IQCM: variants seen among roughly 807,000 people sequenced by gnomAD.
The protein encoded by IQCM is IQ domain-containing protein M.
Under a neutral mutation model 57.6 loss-of-function variants are expected in IQCM, and 45 were observed. The observed-to-expected ratio is 0.78, with a 90% CI of 0.62 to 1.00. The LOEUF is 1.00. Ranked by LOEUF, IQCM falls within the 50% of genes least tolerant of loss-of-function variation. The probability of loss-of-function intolerance (pLI) is 0.00; values close to 1 mark genes in which losing one functional copy is unlikely to be tolerated. For synonymous variants in IQCM, 148 were observed against 158.9 expected (o/e 0.93, Z 0.51); for missense variants, 468 against 511.6 (o/e 0.91, Z 0.82).
At chr4:149,352,837 A>G (rs1728671419) in intron 13 of IQCM, among the ~76,000 whole-genome samples, 1 of 152,172 alleles carries the variant, frequency 6.6e-6, no homozygotes, top group East Asian at 1.9e-4. Context: ...AATAAATAAA[A>G]GGTATAGATT....
intron 8 of IQCM, among the ~76,000 whole-genome samples, chr4:149,591,559 G>A (rs1019778512): frequency 2.0e-4 from 30 of 151,460 alleles, no homozygotes; most frequent in Admixed American, 9.9e-4. Flanking sequence ...CCATTAACTC[G>A]TCATTTAGCA....
At chr4:149,759,346 T>C (rs1264226306) in intron 2 of IQCM, among the ~76,000 whole-genome samples, 1 of 152,184 alleles carries the variant, frequency 6.6e-6, no homozygotes, top group African/African-American at 2.4e-5. Context: ...TCATTATACA[T>C]TTGTCCAAAC....
At chr4:149,615,658 G>A (rs1342318534) in intron 8 of IQCM, among the ~76,000 whole-genome samples, 2 of 152,172 alleles carry the variant, frequency 1.3e-5, no homozygotes, top group Non-Finnish European at 2.9e-5. Flanking sequence ...AAAAAGGATA[G>A]TGTTCTTCTA....
Position 149,729,746 on chromosome 4 carries a change from AC to A in IQCM, c.385+3497del, listed in dbSNP as rs1766290954. 2.0e-5 allele frequency among the ~76,000 whole-genome samples: 3 copies of A among 151,800 alleles called. No homozygotes were observed. In the South Asian group the frequency reaches 6.3e-4, roughly 32 times the overall value. ...TCTCCTTTGCATCTTTGTTTCCTTT[AC>A]CCCTTGGATTAGTCTCTCAATAATG... On this transcript the variant is annotated intron_variant, in intron 5 of 13. Transcript: ENST00000636793.
intron 2 of IQCM, among the ~76,000 whole-genome samples, chr4:149,748,478 A>G (rs149483379): frequency 3.0e-4 from 45 of 152,266 alleles, no homozygotes; most frequent in African/African-American, 9.9e-4. Flanking sequence ...CTCTCCCATT[A>G]TACTTTAAAA....
intron 2 of IQCM, among the ~76,000 whole-genome samples, chr4:149,781,209 T>A (rs1465569304): frequency 2.6e-5 from 4 of 152,202 alleles, no homozygotes; most frequent in Non-Finnish European, 5.9e-5. Context: ...ATACAGTAAT[T>A]GTCCTTATCC....
chr4:149,485,510 A>T (rs1741380989), intron 12 of IQCM, among the ~76,000 whole-genome samples: 1 of 151,730 alleles, frequency 6.6e-6, no homozygotes, highest in Non-Finnish European at 1.5e-5. Context: ...ACTCTGATTC[A>T]TTCTTCTGCA....
At chr4:149,604,779 T>C (rs193265306) in intron 8 of IQCM, among the ~76,000 whole-genome samples, 2 of 152,336 alleles carry the variant, frequency 1.3e-5, no homozygotes, top group African/African-American at 4.8e-5. Context: ...GCTGCCTTTT[T>C]ACAGTTTGTT....
chr4:149,567,613 C>T (rs1750756476), intron 9 of IQCM, among the ~76,000 whole-genome samples: 1 of 151,990 alleles, frequency 6.6e-6, no homozygotes, highest in South Asian at 2.1e-4. Context: ...TCTCAAAGTG[C>T]TGGGATTATA....
intron 12 of IQCM, among the ~76,000 whole-genome samples, chr4:149,523,772 C>T (rs1281796095): frequency 6.6e-6 from 1 of 151,842 alleles, no homozygotes; most frequent in African/African-American, 2.4e-5. Context: ...GAATTATACA[C>T]AAAGTAAGTT....
At chr4:149,401,746 T>G (rs1732633235) in intron 13 of IQCM, among the ~76,000 whole-genome samples, 1 of 151,872 alleles carries the variant, frequency 6.6e-6, no homozygotes, top group South Asian at 2.1e-4. Flanking sequence ...GTATAATAAT[T>G]TTAGAGTAAT....
At chr4:149,607,319 A>G (rs1205851727) in intron 8 of IQCM, among the ~76,000 whole-genome samples, 1 of 152,092 alleles carries the variant, frequency 6.6e-6, no homozygotes, top group African/African-American at 2.4e-5. Context: ...AAATACAAAT[A>G]AAGACTTTCC....
At chr4:149,756,922 G>T (rs1769019921) in intron 2 of IQCM, among the ~76,000 whole-genome samples, 1 of 152,206 alleles carries the variant, frequency 6.6e-6, no homozygotes, top group Admixed American at 6.5e-5. Context: ...CAAACTACCA[G>T]ATAAACCACA....
At chr4:149,670,940 C>CTTTTTTTTTTTT (rs57287015) in intron 7 of IQCM, among the ~76,000 whole-genome samples, 3 of 143,374 alleles carry the variant, frequency 2.1e-5, no homozygotes, top group Admixed American at 6.9e-5. Flanking sequence ...AAAATTCTCT[C>CTTTTTTTTTTTT]TTTTTTTTTT....
chr4:149,752,386 T>C (rs1768534714), intron 2 of IQCM, among the ~76,000 whole-genome samples: 1 of 151,932 alleles, frequency 6.6e-6, no homozygotes, highest in Admixed American at 6.6e-5. Context: ...ACCCCATCTC[T>C]ACTAAAAATA....
chr4:149,800,466 T>C (rs1320936881), intron 2 of IQCM, among the ~76,000 whole-genome samples: 2 of 151,950 alleles, frequency 1.3e-5, no homozygotes, highest in Admixed American at 6.6e-5. Context: ...ACCACTGTTA[T>C]TCAGCTTAGT....
chr4:149,793,508 T>C (rs1426782984), intron 2 of IQCM, among the ~76,000 whole-genome samples: 1 of 152,194 alleles, frequency 6.6e-6, no homozygotes, highest in Non-Finnish European at 1.5e-5. Flanking sequence ...TTAAGCACAA[T>C]TCATTTTAAG....
chr4:149,618,783 A>C (rs963526072), intron 8 of IQCM, among the ~76,000 whole-genome samples: 2 of 152,146 alleles, frequency 1.3e-5, no homozygotes, highest in African/African-American at 4.8e-5. Context: ...AACCACAATG[A>C]AACACCATCT....
intron 7 of IQCM, among the ~76,000 whole-genome samples, chr4:149,674,737 T>C (rs1466127554): frequency 1.3e-5 from 2 of 152,108 alleles, no homozygotes; most frequent in Admixed American, 6.6e-5. Context: ...AAACCTTAAT[T>C]AAGCAGTTGA....
Sources: gnomAD v4.1 joint callset for allele counts (sites outside exome capture counted in the v4.1 genomes callset) on GRCh38, gnomAD v4.1.1 for gene constraint, MANE v1.5 for transcripts, NCBI Gene and HGNC (gene_info 2026-07-23, HGNC 2026-07-21) for gene names.